Variants in CSMD3 observed in about 807,000 individuals in gnomAD.
The protein encoded by CSMD3 is CUB and Sushi multiple domains 3.
Under a neutral mutation model 435.2 loss-of-function variants are expected in CSMD3, and 177 were observed. The observed-to-expected ratio is 0.41, with a 90% CI of 0.36 to 0.46. The LOEUF is 0.46. Ranked by LOEUF, CSMD3 falls within the 20% of genes least tolerant of loss-of-function variation. The probability of loss-of-function intolerance (pLI) is 0.34; values close to 1 mark genes in which losing one functional copy is unlikely to be tolerated. For missense variants in CSMD3, 4,265 were observed against 4,504.6 expected (o/e 0.95, Z 1.52); for synonymous variants, 1,656 against 1,520.5 (o/e 1.09, Z -2.07).
chr8:113,033,142 ATGTGAGT>A (rs1183962652), intron 5 of CSMD3, among the ~76,000 whole-genome samples: 1 of 151,630 alleles, frequency 6.6e-6, no homozygotes, highest in Non-Finnish European at 1.5e-5. Flanking sequence ...TAGAGGGGAA[ATGTGAGT>A]TGGAGCTCTC....
intron 13 of CSMD3, among the ~76,000 whole-genome samples, chr8:112,732,789 C>T (rs1225437116): frequency 6.6e-6 from 1 of 151,836 alleles, no homozygotes; most frequent in African/African-American, 2.4e-5. Context: ...GTAATTATTC[C>T]CACAAATTAT....
intron 1 of CSMD3, among the ~76,000 whole-genome samples, chr8:113,315,433 A>C (rs1169036290): frequency 6.6e-6 from 1 of 151,996 alleles, no homozygotes; most frequent in African/African-American, 2.4e-5. Flanking sequence ...AAATACGTTA[A>C]ATAAATGGAT....
At chr8:112,300,089 T>C (rs1820767036) in intron 53 of CSMD3, among the ~76,000 whole-genome samples, 1 of 148,460 alleles carries the variant, frequency 6.7e-6, no homozygotes, top group African/African-American at 2.4e-5. Flanking sequence ...AGTTTTATTT[T>C]AACTATATTT....
intron 54 of CSMD3, among the ~76,000 whole-genome samples, chr8:112,293,855 T>C (rs1256623242): frequency 6.6e-6 from 1 of 152,154 alleles, no homozygotes; most frequent in Admixed American, 6.6e-5. Flanking sequence ...AGCTGTATTG[T>C]TAATGTCAAC....
intron 11 of CSMD3, among the ~76,000 whole-genome samples, chr8:112,840,911 G>A (rs1022642363): frequency 1.3e-5 from 2 of 151,606 alleles, no homozygotes; most frequent in African/African-American, 4.8e-5. Flanking sequence ...TACCAGCACT[G>A]TTATAGTGAT....
rs187937114 is a variant in CSMD3, at chr8:112,540,317, T to A, written c.4564+10354A>T. Among the ~76,000 whole-genome samples the A allele has an allele frequency of 1.9e-3, 294 of 152,140 alleles. 2 individuals are homozygous for A. The highest frequency in any genetic ancestry group is 6.6e-3 in the African/African-American group (274 of 41,546). ...AAGATGCAAAAAAAAGAGGGAATGCTCATGCACTGTTGGTGTGAATGTTAA... is the reference window on the plus strand; with the variant it reads ...AAGATGCAAAAAAAAGAGGGAATGCACATGCACTGTTGGTGTGAATGTTAA... On this transcript the variant is annotated intron_variant, in intron 27 of 70. Coordinates refer to ENST00000297405, the MANE Select transcript of CSMD3 (RefSeq NM_198123.2).
chr8:113,127,127 C>A (rs1279324850), intron 4 of CSMD3, among the ~76,000 whole-genome samples: 1 of 151,944 alleles, frequency 6.6e-6, no homozygotes, highest in African/African-American at 2.4e-5. Flanking sequence ...AGAGCTGTGC[C>A]TTATCTTACA....
At chr8:113,188,460 C>G (rs117991719) in intron 3 of CSMD3, among the ~76,000 whole-genome samples, 2 of 151,950 alleles carry the variant, frequency 1.3e-5, no homozygotes, top group African/African-American at 4.8e-5. Flanking sequence ...TAATTGAATT[C>G]TGGATTGAAG....
chr8:112,602,752 GTTA>G lies in CSMD3; in HGVS notation c.3716-15520_3716-15518del, dbSNP rs149591466. ...CAATAAAGTAAGCTAGAGCAAAAATGTTATTAAGAAAATAATAAAAAATATATA... is the reference window on the plus strand; with the variant it reads ...CAATAAAGTAAGCTAGAGCAAAAATGTTAAGAAAATAATAAAAAATATATA... On this transcript the variant is annotated intron_variant, in intron 22 of 70. Coordinates refer to ENST00000297405, the MANE Select transcript of CSMD3 (RefSeq NM_198123.2). Among the ~76,000 whole-genome samples the G allele has an allele frequency of 6.1e-3, 930 of 151,728 alleles. 8 individuals are homozygous for G. The highest frequency in any genetic ancestry group is 0.022 in the African/African-American group (898 of 41,418).
At chr8:113,338,071 A>G (rs2094090340) in intron 1 of CSMD3, among the ~76,000 whole-genome samples, 1 of 152,022 alleles carries the variant, frequency 6.6e-6, no homozygotes, top group Admixed American at 6.6e-5. Flanking sequence ...ATATATAAAT[A>G]ACTCTTAAAA....
intron 59 of CSMD3, among the ~76,000 whole-genome samples, chr8:112,280,626 A>T (rs1818539555): frequency 6.6e-6 from 1 of 152,172 alleles, no homozygotes; most frequent in South Asian, 2.1e-4. Context: ...ATAAGCAATA[A>T]TGTGTATAAT....
chr8:112,451,717 T>C (rs1363551208), intron 32 of CSMD3, among the ~76,000 whole-genome samples: 1 of 152,094 alleles, frequency 6.6e-6, no homozygotes, highest in Non-Finnish European at 1.5e-5. Context: ...TTTGTACATT[T>C]AGTAGAGACG....
intron 12 of CSMD3, among the ~76,000 whole-genome samples, chr8:112,819,833 T>C (rs1443384581): frequency 6.6e-6 from 1 of 152,128 alleles, no homozygotes. Context: ...ATGACAACAG[T>C]CATGTGGAAA....
At chr8:113,284,463 G>A (rs1198633962) in intron 2 of CSMD3, among the ~76,000 whole-genome samples, 1 of 152,174 alleles carries the variant, frequency 6.6e-6, no homozygotes, top group Non-Finnish European at 1.5e-5. Context: ...TATAGCTTAA[G>A]TAGAGACTCT....
chr8:112,421,093 GTTC>G (rs1812445930), intron 32 of CSMD3, among the ~76,000 whole-genome samples: 1 of 151,956 alleles, frequency 6.6e-6, no homozygotes, highest in South Asian at 2.1e-4. Context: ...TTTAAAAAAG[GTTC>G]TTAACTTTGC....
At chr8:113,223,404 C>G (rs1383953147) in intron 3 of CSMD3, among the ~76,000 whole-genome samples, 1 of 150,256 alleles carries the variant, frequency 6.7e-6, no homozygotes, top group Non-Finnish European at 1.5e-5. Flanking sequence ...TTCTTCGTTT[C>G]CTAGTTTCTT....
intron 3 of CSMD3, 144 bp from the exon 4 acceptor site, chr8:113,174,060 T>C: frequency 1.5e-6 from 1 of 671,718 alleles, no homozygotes; most frequent in Non-Finnish European, 2.6e-6. Flanking sequence ...TCTATTCCAA[T>C]ACATGTGACA....
intron 59 of CSMD3, among the ~76,000 whole-genome samples, chr8:112,278,723 G>A (rs1818327968): frequency 6.6e-6 from 1 of 152,066 alleles, no homozygotes; most frequent in Non-Finnish European, 1.5e-5. Context: ...GATGGCTTTA[G>A]GTATCTAAAA....
intron 13 of CSMD3, among the ~76,000 whole-genome samples, chr8:112,718,017 C>T (rs1244759325): frequency 6.6e-6 from 1 of 151,986 alleles, no homozygotes; most frequent in Admixed American, 6.6e-5. Context: ...CACCATGGGT[C>T]ACGTATACTT....
Sources: gnomAD v4.1 joint callset for allele counts (sites outside exome capture counted in the v4.1 genomes callset) on GRCh38, gnomAD v4.1.1 for gene constraint, MANE v1.5 for transcripts, NCBI Gene and HGNC (gene_info 2026-07-23, HGNC 2026-07-21) for gene names.